Variants in ANKRD7 observed in about 807,000 individuals in gnomAD.
ANKRD7 encodes ankyrin repeat domain 7, also known as ankyrin repeat domain-containing protein 7.
ANKRD7 carries 30 observed loss-of-function variants against 30.8 expected under a neutral mutation model. That is an observed-to-expected ratio of 0.97 (90% CI 0.73 to 1.32). The LOEUF is 1.32. Ranked by LOEUF, ANKRD7 falls within the 40% of genes most tolerant of loss-of-function variation. ANKRD7 has a pLI of 0.00. For missense variants in ANKRD7, 264 were observed against 295.7 expected, an observed-to-expected ratio of 0.89 and a Z score of 0.79; for synonymous variants, 97 against 106.6, an observed-to-expected ratio of 0.91 and a Z score of 0.55.
chr7:118,227,531 T>G (rs1809564775), intron 1 of ANKRD7, among the ~76,000 whole-genome samples: 1 of 152,218 alleles, frequency 6.6e-6, no homozygotes, highest in African/African-American at 2.4e-5. Context: ...GAGTTTGTCC[T>G]TACGCTGTTG....
At chr7:118,236,718 G>C (rs1171899230) in intron 4 of ANKRD7, 72 bp from the exon 5 acceptor site, 2 of 1,502,470 alleles carry the variant, frequency 1.3e-6, no homozygotes, top group African/African-American at 2.8e-5. Context: ...AGTAAATTGA[G>C]AAGACTGAAT....
At chr7:118,237,902 A>G (rs1329272638) in intron 5 of ANKRD7, among the ~76,000 whole-genome samples, 1 of 152,150 alleles carries the variant, frequency 6.6e-6, no homozygotes, top group Non-Finnish European at 1.5e-5. Context: ...ATTGGTGAAT[A>G]TCCAAACTAT....
chr7:118,229,590 A>G (rs1390561463), intron 1 of ANKRD7, among the ~76,000 whole-genome samples: 1 of 152,172 alleles, frequency 6.6e-6, no homozygotes, highest in African/African-American at 2.4e-5. Flanking sequence ...CAATAAATGC[A>G]ATGAATTATG....
At chr7:118,228,780 T>C (rs2115997952) in intron 1 of ANKRD7, among the ~76,000 whole-genome samples, 1 of 152,328 alleles carries the variant, frequency 6.6e-6, no homozygotes, top group Admixed American at 6.5e-5. Flanking sequence ...CATCCAAGCA[T>C]TTCTTGCCAC....
rs989439655 is a variant in ANKRD7 at position 118,241,759 on chromosome 7, G to C, written c.*38-590G>C. On this transcript the variant is annotated intron_variant, in intron 6 of 6. Coordinates refer to ENST00000265224, the MANE Select transcript of ANKRD7 (RefSeq NM_019644.4). ...TCACCATGTTTGCCAGGCTGGTCTC[G>C]AACTCCTGACCTCAGGTGATCCGCC... Among the ~76,000 whole-genome samples the C allele has an allele frequency of 2.0e-5, 3 of 151,824 alleles. No homozygotes were observed. The South Asian group carries it at 6.2e-4, about 32-fold the overall frequency.
chr7:118,230,633 C>CGTGT (rs530818411), intron 1 of ANKRD7, among the ~76,000 whole-genome samples: 1,939 of 148,064 alleles, frequency 0.013, 39 homozygotes, highest in African/African-American at 0.045. Flanking sequence ...TCTGTTTGAA[C>CGTGT]GTGTGTGTGT....
At chr7:118,241,454 C>T (rs1457559371) in intron 6 of ANKRD7, among the ~76,000 whole-genome samples, 1 of 147,868 alleles carries the variant, frequency 6.8e-6, no homozygotes, top group Non-Finnish European at 1.5e-5. Flanking sequence ...AGTGATAATG[C>T]TTACAACAAT....
intron 1 of ANKRD7, among the ~76,000 whole-genome samples, chr7:118,227,658 A>G (rs1394760960): frequency 1.3e-5 from 2 of 152,142 alleles, no homozygotes; most frequent in East Asian, 1.9e-4. Context: ...AATTTCCTCA[A>G]TTACATAATA....
intron 1 of ANKRD7, among the ~76,000 whole-genome samples, chr7:118,229,952 T>C (rs6972068): frequency 0.032 from 4,888 of 152,104 alleles, 131 homozygotes; most frequent in East Asian, 0.077. Flanking sequence ...TCAATAGTTG[T>C]AGGAAAAACA....
In ANKRD7 at chr7:118,234,887, TAAAG is replaced by T; in HGVS notation, c.468+17_468+20del. The T allele has an allele frequency of 1.9e-6, 3 of 1,575,226 alleles. No homozygotes were observed. Among genetic ancestry groups the T allele is most frequent in the Non-Finnish European group, 2.6e-6 (3 of 1,167,062 alleles). On this transcript the variant is annotated intron_variant, in intron 3 of 6. Coordinates refer to ENST00000265224, the MANE Select transcript of ANKRD7 (RefSeq NM_019644.4). ...AGCGAAAAATAAGGTAGTTTTCTAT[TAAAG>T]AAAAAAATCCTGTATTTTAGAAAGC...
intron 6 of ANKRD7, among the ~76,000 whole-genome samples, chr7:118,241,056 A>G (rs1809827818): frequency 6.9e-6 from 1 of 144,440 alleles, no homozygotes; most frequent in African/African-American, 2.5e-5. Flanking sequence ...CGGGAGGCTG[A>G]GGCAGGAGAA....
intron 1 of ANKRD7, among the ~76,000 whole-genome samples, chr7:118,230,702 G>A (rs1045058671): frequency 1.1e-4 from 16 of 151,608 alleles, no homozygotes; most frequent in African/African-American, 3.4e-4. Flanking sequence ...AATATTAAAG[G>A]ACATATACTT....
At chr7:118,231,322 T>C (rs1809635378) in intron 1 of ANKRD7, among the ~76,000 whole-genome samples, 1 of 152,090 alleles carries the variant, frequency 6.6e-6, no homozygotes, top group Admixed American at 6.6e-5. Context: ...ATGTTTAATG[T>C]CTCTCCTGCT....
chr7:118,225,412 C>T (rs1030968061), intron 1 of ANKRD7, among the ~76,000 whole-genome samples: 6 of 151,084 alleles, frequency 4.0e-5, no homozygotes, highest in African/African-American at 1.2e-4. Flanking sequence ...CACTTGAACC[C>T]GGAAGGCGGA....
intron 1 of ANKRD7, chr7:118,228,042 A>T: frequency 4.6e-6 from 6 of 1,294,186 alleles, no homozygotes; most frequent in Admixed American, 5.0e-5. Context: ...TTTTAGTCTT[A>T]CCTTGCTGGC....
chr7:118,227,538 G>C (rs189343547), intron 1 of ANKRD7, among the ~76,000 whole-genome samples: 3 of 152,282 alleles, frequency 2.0e-5, no homozygotes, highest in African/African-American at 7.2e-5. Context: ...TCCTTACGCT[G>C]TTGCTGAATT....
At chr7:118,225,068 G>A in intron 1 of ANKRD7, 59 bp downstream of exon 1, 2 of 1,580,284 alleles carry the variant, frequency 1.3e-6, no homozygotes, top group Non-Finnish European at 1.7e-6. Flanking sequence ...CGTTCAACCA[G>A]AAATAAGACA....
At position 118,242,463 on chromosome 7, in the gene ANKRD7, A is replaced by T. The variant is rs1466958926; in HGVS notation, c.*152A>T. 6.7e-6 allele frequency: 1 copy of T among 148,846 alleles called. No individual in the cohort carries two copies. The highest frequency in any genetic ancestry group is 2.0e-4 in the East Asian group (1 of 5,082). 9.2% of individuals were successfully genotyped at this position (148,846 alleles called of 1,614,324 possible). A position where few individuals can be genotyped will look rare whatever the true frequency, so the allele number is the denominator to read the frequency against. ...TTTTTGCTGACTACCCAGTTGAAGAAAAGTTTGTTAATTGGATGGGATTTT... is the reference window on the plus strand; with the variant it reads ...TTTTTGCTGACTACCCAGTTGAAGATAAGTTTGTTAATTGGATGGGATTTT... On this transcript the variant is annotated 3_prime_UTR_variant, in exon 7 of 7. Coordinates refer to ENST00000265224, the MANE Select transcript of ANKRD7 (RefSeq NM_019644.4).
At chr7:118,229,702 G>A (rs921355122) in intron 1 of ANKRD7, among the ~76,000 whole-genome samples, 1 of 151,948 alleles carries the variant, frequency 6.6e-6, no homozygotes, top group Non-Finnish European at 1.5e-5. Flanking sequence ...AAAGGTAAAA[G>A]CACTGTAGCA....
Sources: allele counts gnomAD v4.1 joint callset (sites outside exome capture counted in the v4.1 genomes callset), GRCh38; gene constraint gnomAD v4.1.1; transcripts MANE v1.5; gene names NCBI Gene and HGNC (gene_info 2026-07-23, HGNC 2026-07-21).